Variants in MTSS1 observed in about 807,000 individuals in gnomAD.
The protein encoded by MTSS1 is MTSS I-BAR domain containing 1.
A neutral mutation model predicts 79.0 loss-of-function variants in MTSS1; 18 were observed. That is an observed-to-expected ratio of 0.23 (90% CI 0.16 to 0.34). The LOEUF is 0.34. MTSS1 is among the 10% of genes least tolerant of loss of function. The pLI is 1.00. For synonymous variants in MTSS1, 341 were observed against 368.6 expected (o/e 0.93, Z 0.86); for missense variants, 815 against 986.2 (o/e 0.83, Z 2.33).
rs780698962 is a variant in MTSS1, at chr8:124,562,974, G to A, written c.843C>T (p.Asn281=). ...AGCCGCTGGACCGGGAGTCACTGCTGTTGACACTGTTCAGGCTGCTGTGGA... is the reference window on the plus strand; with the variant it reads ...AGCCGCTGGACCGGGAGTCACTGCTATTGACACTGTTCAGGCTGCTGTGGA... The part of the protein sequence containing the change: ...SSVCSSLNSV[N]SSDSRSSGSH... Residue 281 remains asparagine, a synonymous_variant, in exon 10 of 14, where the codon AAC becomes AAT. Transcript: ENST00000518547. The A allele has an allele frequency of 3.1e-6, 5 of 1,609,562 alleles. No homozygotes were observed. The African/African-American group carries it at 5.3e-5, about 17-fold the overall frequency.
intron 10 of MTSS1, among the ~76,000 whole-genome samples, chr8:124,558,394 C>T (rs1005455906): frequency 2.0e-5 from 3 of 152,042 alleles, no homozygotes; most frequent in African/African-American, 4.8e-5. Flanking sequence ...GCTCATCCAA[C>T]GGTCTGGTGG....
chr8:124,653,866 C>T (rs1403769467), intron 3 of MTSS1, among the ~76,000 whole-genome samples: 2 of 152,308 alleles, frequency 1.3e-5, no homozygotes, highest in East Asian at 1.9e-4. Context: ...TGCCTATAAT[C>T]GACAGAACTA....
intron 1 of MTSS1, among the ~76,000 whole-genome samples, chr8:124,713,608 G>C (rs1406965300): frequency 6.6e-6 from 1 of 151,998 alleles, no homozygotes. Flanking sequence ...ATTTTTAGTA[G>C]AGACAGGGTT....
At chr8:124,657,935 G>C (rs1045208363) in intron 3 of MTSS1, among the ~76,000 whole-genome samples, 1 of 152,140 alleles carries the variant, frequency 6.6e-6, no homozygotes, top group Non-Finnish European at 1.5e-5. Flanking sequence ...TGAGCCTTTG[G>C]GAGGTAATTA....
intron 10 of MTSS1, among the ~76,000 whole-genome samples, 175 bp downstream of exon 10, chr8:124,562,607 T>C (rs1825580358): frequency 6.6e-6 from 1 of 152,194 alleles, no homozygotes; most frequent in South Asian, 2.1e-4. Flanking sequence ...AACCCACTTA[T>C]AGCACCTCTC....
rs1278997450 is a variant in MTSS1, at chr8:124,557,773, G to A, written c.1138C>T (p.Pro380Ser). Residue 380 changes from proline to serine, a missense_variant, in exon 11 of 14, where the codon CCT becomes TCT. Around this residue, in one of 2 missense-constraint regions of MTSS1, gnomAD observed 590 missense variants for 620.8 expected, o/e 0.95. Coordinates refer to ENST00000518547, the MANE Select transcript of MTSS1 (RefSeq NM_014751.6). ...GGAAGGTGGACAGAGGTGACCCGAG[G>A]GAGCAGGCGGGAGGCAGGCAGGCAA... ...PHCLPASRLL[P>S]RVTSVHLPDY... is the part of the protein sequence containing the mutation. 6.2e-7 allele frequency: 1 copy of A among 1,606,262 alleles called. No homozygotes were observed. The highest frequency in any genetic ancestry group is 8.5e-7 in the Non-Finnish European group (1 of 1,176,514).
chr8:124,641,904 T>C (rs772478038), intron 3 of MTSS1, among the ~76,000 whole-genome samples: 5 of 152,214 alleles, frequency 3.3e-5, no homozygotes, highest in Non-Finnish European at 5.9e-5. Flanking sequence ...TAAATCTTTT[T>C]TCCCCTCTTC....
intron 11 of MTSS1, 114 bp downstream of exon 11, chr8:124,557,567 G>C (rs954004434): frequency 2.7e-6 from 3 of 1,117,610 alleles, no homozygotes; most frequent in Non-Finnish European, 3.8e-6. Context: ...TGGGGAAGAA[G>C]GCAGAGTGTG....
intron 3 of MTSS1, among the ~76,000 whole-genome samples, chr8:124,684,952 T>TAAAACAC (rs1259379511): frequency 2.6e-5 from 4 of 152,182 alleles, no homozygotes; most frequent in African/African-American, 9.7e-5. Flanking sequence ...GCTATAATGA[T>TAAAACAC]AAAACACAAA....
At chr8:124,620,931 G>T (rs1002538749) in intron 3 of MTSS1, among the ~76,000 whole-genome samples, 1 of 152,192 alleles carries the variant, frequency 6.6e-6, no homozygotes, top group Non-Finnish European at 1.5e-5. Flanking sequence ...CATTAAACAG[G>T]ATCGCCTAGT....
chr8:124,594,239 CAG>C (rs1252393793), intron 3 of MTSS1, among the ~76,000 whole-genome samples: 4 of 152,156 alleles, frequency 2.6e-5, no homozygotes, highest in African/African-American at 9.7e-5. Flanking sequence ...TTCTCAGAAA[CAG>C]ATGAACTGGC....
chr8:124,707,989 TC>T (rs1830638646), intron 1 of MTSS1, among the ~76,000 whole-genome samples: 2 of 152,194 alleles, frequency 1.3e-5, no homozygotes, highest in African/African-American at 4.8e-5. Context: ...GCCCTGCCAG[TC>T]ATGGACTAGG....
chr8:124,707,712 G>C (rs201418100), intron 1 of MTSS1, among the ~76,000 whole-genome samples: 1 of 141,406 alleles, frequency 7.1e-6, no homozygotes, highest in African/African-American at 2.6e-5. Context: ...CATCTCAAAA[G>C]AAAAAAAAAA....
intron 3 of MTSS1, among the ~76,000 whole-genome samples, chr8:124,661,682 C>A (rs1396296780): frequency 6.6e-6 from 1 of 152,136 alleles, no homozygotes; most frequent in African/African-American, 2.4e-5. Flanking sequence ...CCACCCGCTA[C>A]AAACACCACC....
intron 3 of MTSS1, among the ~76,000 whole-genome samples, chr8:124,674,489 G>A (rs1423409768): frequency 6.6e-6 from 1 of 152,100 alleles, no homozygotes; most frequent in East Asian, 1.9e-4. Context: ...GGGATTATAG[G>A]CACACATCAC....
chr8:124,553,510 G>C lies in MTSS1; in HGVS notation c.1750C>G (p.Pro584Ala). ...GTCCGTCGGATAGTTGCAACCCCTG[G>C]AGTGACCATAGCAGGTCCCAGGGTG... ...PTTLGPAMVT[P>A]GVATIRRTPS... Residue 584 changes from proline to alanine, a missense_variant, in exon 14 of 14, where the codon CCA (proline) becomes GCA (alanine). By Grantham distance (27) the Pro-to-Ala change is conservative (BLOSUM62 -1). Around this residue, in one of 2 missense-constraint regions of MTSS1, gnomAD observed 590 missense variants for 620.8 expected, o/e 0.95. Coordinates refer to ENST00000518547, the MANE Select transcript of MTSS1 (RefSeq NM_014751.6). The surrounding 1 kb of genome is among the most constrained non-coding windows in gnomAD (Gnocchi z 6.0). The C allele has an allele frequency of 6.2e-7, 1 of 1,614,062 alleles. No homozygotes were observed. Among genetic ancestry groups the C allele is most frequent in the Non-Finnish European group, 8.5e-7 (1 of 1,179,998 alleles).
chr8:124,660,172 T>C (rs186580718), intron 3 of MTSS1, among the ~76,000 whole-genome samples: 1 of 152,206 alleles, frequency 6.6e-6, no homozygotes, highest in Non-Finnish European at 1.5e-5. Context: ...GAAATGAACC[T>C]TCAAAAGCCC....
intron 9 of MTSS1, among the ~76,000 whole-genome samples, chr8:124,565,201 G>A (rs1245472706): frequency 6.6e-6 from 1 of 152,184 alleles, no homozygotes; most frequent in East Asian, 1.9e-4. Flanking sequence ...GACTGACAGA[G>A]CAAGAACTCT....
At chr8:124,558,042 G>GA (rs1824396328) in intron 10 of MTSS1, 167 bp from the exon 11 acceptor site, 1 of 588,386 alleles carries the variant, frequency 1.7e-6, no homozygotes, top group African/African-American at 1.9e-5. Context: ...TGATGCAAGA[G>GA]AAAAGAGCCG....
Sources: gnomAD v4.1 joint callset for allele counts (sites outside exome capture counted in the v4.1 genomes callset) on GRCh38, gnomAD v4.1.1 for gene constraint, gnomAD v4.1.1 regional missense constraint, Gnocchi (gnomAD v3.1) non-coding constraint, MANE v1.5 for transcripts, NCBI Gene and HGNC (gene_info 2026-07-23, HGNC 2026-07-21) for gene names.